PITPNC1: variants seen among roughly 807,000 people sequenced by gnomAD.
PITPNC1 encodes the protein cytoplasmic phosphatidylinositol transfer protein 1.
In PITPNC1, 18 loss-of-function variants were observed where a neutral mutation model predicts 44.7. The observed-to-expected ratio is 0.40, with a 90% confidence interval of 0.28 to 0.60. The LOEUF (loss-of-function observed/expected upper bound fraction) is 0.60, where lower values mean the gene tolerates loss of function less well. PITPNC1 is among the 20% of genes least tolerant of loss of function. The pLI is 0.39. For synonymous variants in PITPNC1, 141 were observed against 149.6 expected, an observed-to-expected ratio of 0.94 and a Z score of 0.42; for missense variants, 290 against 418.4, an observed-to-expected ratio of 0.69 and a Z score of 2.68.
intron 6 of PITPNC1, among the ~76,000 whole-genome samples, chr17:67,658,201 A>G (rs1412762807): frequency 4.6e-5 from 7 of 152,224 alleles, no homozygotes; most frequent in Admixed American, 3.9e-4. Context: ...GTGAAACCCC[A>G]CTTCCAAGCC....
intron 6 of PITPNC1, among the ~76,000 whole-genome samples, chr17:67,640,454 C>T (rs11653071): frequency 0.058 from 8,881 of 151,822 alleles, 294 homozygotes; most frequent in African/African-American, 0.088. Context: ...CCGAGGCAGG[C>T]GGATCACTTG....
chr17:67,578,023 C>T (rs772354196), intron 4 of PITPNC1, 163 bp from the exon 5 acceptor site: 52 of 677,772 alleles, frequency 7.7e-5, no homozygotes, highest in Non-Finnish European at 8.9e-5. Flanking sequence ...GTCCTAAAGG[C>T]GGCTTTCCTT....
At chr17:67,679,333 GA>G (rs1258561014) in intron 8 of PITPNC1, among the ~76,000 whole-genome samples, 1 of 151,996 alleles carries the variant, frequency 6.6e-6, no homozygotes, top group Non-Finnish European at 1.5e-5. Flanking sequence ...GTGAGAATTA[GA>G]AAAAAAAGCT....
chr17:67,577,313 C>T, intron 4 of PITPNC1, among the ~76,000 whole-genome samples: 1 of 148,880 alleles, frequency 6.7e-6, no homozygotes, highest in Non-Finnish European at 1.5e-5. Flanking sequence ...AAAAAGAAGG[C>T]CGGGCGCCTG....
intron 1 of PITPNC1, among the ~76,000 whole-genome samples, chr17:67,515,413 T>G (rs1405936781): frequency 6.6e-6 from 1 of 152,172 alleles, no homozygotes; most frequent in Non-Finnish European, 1.5e-5. Context: ...TGAATGTATA[T>G]CATTAGGATA....
At chr17:67,416,462 C>T (rs546998912) in intron 1 of PITPNC1, among the ~76,000 whole-genome samples, 26 of 152,078 alleles carry the variant, frequency 1.7e-4, no homozygotes, top group African/African-American at 4.8e-4. Context: ...ATGATCCTCC[C>T]GCCTCAGCCT....
At chr17:67,534,340 T>C (rs916705527) in intron 2 of PITPNC1, among the ~76,000 whole-genome samples, 4 of 152,152 alleles carry the variant, frequency 2.6e-5, no homozygotes, top group African/African-American at 9.7e-5. Context: ...AGATGCCATA[T>C]GAAATATATC....
At chr17:67,578,708 G>A (rs578191340) in intron 5 of PITPNC1, among the ~76,000 whole-genome samples, 13 of 152,382 alleles carry the variant, frequency 8.5e-5, no homozygotes, top group African/African-American at 3.1e-4. Flanking sequence ...CAGGCCTGGT[G>A]CAGTGGCTCA....
chr17:67,477,520 C>T (rs957039243), intron 1 of PITPNC1, among the ~76,000 whole-genome samples: 1 of 152,068 alleles, frequency 6.6e-6, no homozygotes, highest in African/African-American at 2.4e-5. Context: ...GCTGGGATTA[C>T]AGACGTGAGC....
At chr17:67,472,591 A>G (rs866369595) in intron 1 of PITPNC1, among the ~76,000 whole-genome samples, 2 of 151,192 alleles carry the variant, frequency 1.3e-5, no homozygotes, top group African/African-American at 2.4e-5. Flanking sequence ...AGTTTGCAGT[A>G]AGCCGAGATT....
At chr17:67,520,533 T>TG (rs2040311950) in intron 1 of PITPNC1, among the ~76,000 whole-genome samples, 1 of 151,940 alleles carries the variant, frequency 6.6e-6, no homozygotes, top group Admixed American at 6.6e-5. Flanking sequence ...TCTTCTGTCT[T>TG]CAAGGCAGAA....
chr17:67,505,885 T>C (rs925397503), intron 1 of PITPNC1, among the ~76,000 whole-genome samples: 1 of 152,238 alleles, frequency 6.6e-6, no homozygotes, highest in Admixed American at 6.5e-5. Context: ...TAACTCTCTT[T>C]TCCCTCGCAA....
intron 5 of PITPNC1, among the ~76,000 whole-genome samples, chr17:67,611,064 T>G (rs1021250647): frequency 6.6e-6 from 1 of 152,146 alleles, no homozygotes; most frequent in African/African-American, 2.4e-5. Context: ...ATGTTAAAAT[T>G]CAACATACCT....
chr17:67,434,265 C>T (rs1567988133), intron 1 of PITPNC1, among the ~76,000 whole-genome samples: 2 of 152,182 alleles, frequency 1.3e-5, no homozygotes, highest in Non-Finnish European at 2.9e-5. Context: ...TGTGCCCACA[C>T]AAGATTACCA....
chr17:67,441,282 C>CT (rs942713839), intron 1 of PITPNC1, among the ~76,000 whole-genome samples: 1 of 149,468 alleles, frequency 6.7e-6, no homozygotes, highest in African/African-American at 2.5e-5. Flanking sequence ...ATTAAGCCCC[C>CT]CCCCGCCACC....
chr17:67,581,958 G>A (rs985807572), intron 5 of PITPNC1, among the ~76,000 whole-genome samples: 22 of 152,066 alleles, frequency 1.4e-4, no homozygotes, highest in Admixed American at 7.2e-4. Flanking sequence ...GCTTGAACCC[G>A]GGAGGCAGAG....
chr17:67,419,897 C>G (rs966107569), intron 1 of PITPNC1, among the ~76,000 whole-genome samples: 3 of 151,118 alleles, frequency 2.0e-5, no homozygotes, highest in Admixed American at 1.3e-4. Context: ...GGCTGGAGAC[C>G]CAGAGCAAGA....
chr17:67,655,970 G>A (rs2042262312), intron 6 of PITPNC1, among the ~76,000 whole-genome samples: 1 of 152,128 alleles, frequency 6.6e-6, no homozygotes, highest in Non-Finnish European at 1.5e-5. Context: ...ATTGGGGGAG[G>A]GGCAACAAAC....
rs538965353 is a variant in PITPNC1 at position 67,498,224 on chromosome 17, A to G, written c.49-34578A>G. ...ATCATCTTCAGAAACTGGCTCCCTC[A>G]TATCTCTTGCTTATTATTTCCTTTT... On this transcript the variant is annotated intron_variant, in intron 1 of 8. Coordinates refer to ENST00000581322, the MANE Select transcript of PITPNC1 (RefSeq NM_012417.4). Among the ~76,000 whole-genome samples the G allele has an allele frequency of 6.6e-5, 10 of 152,124 alleles. No homozygotes were observed. The South Asian group carries it at 1.7e-3, about 25-fold the overall frequency.
Sources: gnomAD v4.1 joint callset for allele counts (sites outside exome capture counted in the v4.1 genomes callset) on GRCh38, gnomAD v4.1.1 for gene constraint, MANE v1.5 for transcripts, NCBI Gene and HGNC (gene_info 2026-07-23, HGNC 2026-07-21) for gene names.